The following PDSS2 variants were observed in gnomAD, a reference collection of about 807,000 sequenced individuals.
The protein encoded by PDSS2 is all trans-polyprenyl-diphosphate synthase PDSS2.
In PDSS2, 31 loss-of-function variants were observed where a neutral mutation model predicts 44.5. The ratio of observed to expected loss-of-function variants is 0.70; its 90% CI spans 0.52 to 0.94. The LOEUF (loss-of-function observed/expected upper bound fraction) is 0.94. PDSS2 is among the 40% of genes least tolerant of loss of function. PDSS2 has a pLI of 0.00. For synonymous variants in PDSS2, 157 were observed against 180.3 expected (o/e 0.87, Z 1.03); for missense variants, 452 against 482.2 (o/e 0.94, Z 0.59).
intron 1 of PDSS2, among the ~76,000 whole-genome samples, chr6:107,399,112 T>C (rs530123298): frequency 1.3e-5 from 2 of 152,298 alleles, no homozygotes; most frequent in South Asian, 4.1e-4. Flanking sequence ...AGTAACTCAT[T>C]TAATTCTCAA....
chr6:107,233,773 A>G (rs1428828858), intron 4 of PDSS2, among the ~76,000 whole-genome samples: 1 of 152,158 alleles, frequency 6.6e-6, no homozygotes, highest in Non-Finnish European at 1.5e-5. Flanking sequence ...TGATTGCATC[A>G]CTGCACTCTA....
chr6:107,170,606 A>ACCCCC (rs201361243), intron 7 of PDSS2, among the ~76,000 whole-genome samples: 1 of 96,592 alleles, frequency 1.0e-5, no homozygotes, highest in African/African-American at 4.0e-5. Context: ...TCTTGGAACC[A>ACCCCC]CCCCCCCCCC....
At chr6:107,181,603 T>G (rs1029650060) in intron 7 of PDSS2, among the ~76,000 whole-genome samples, 4 of 149,798 alleles carry the variant, frequency 2.7e-5, no homozygotes, top group African/African-American at 9.8e-5. Context: ...AAGAAAATTA[T>G]GGATGGTCGG....
chr6:107,306,132 C>T (rs1239065997), intron 2 of PDSS2, among the ~76,000 whole-genome samples: 1 of 152,092 alleles, frequency 6.6e-6, no homozygotes, highest in Non-Finnish European at 1.5e-5. Flanking sequence ...TCCTGATGCC[C>T]GCCCACAGAA....
intron 2 of PDSS2, among the ~76,000 whole-genome samples, chr6:107,302,708 G>A (rs1776735823): frequency 6.6e-6 from 1 of 151,938 alleles, no homozygotes. Context: ...TAAGTCATAT[G>A]AGAGTATGCT....
At chr6:107,216,136 AAAAAAACCCAAAATACAAC>A (rs904310073) in intron 4 of PDSS2, among the ~76,000 whole-genome samples, 3 of 150,782 alleles carry the variant, frequency 2.0e-5, no homozygotes, top group African/African-American at 7.3e-5. Flanking sequence ...GACCCTGTCC[AAAAAAACCCAAAATACAAC>A]AAAAAACCCA....
At chr6:107,381,472 C>T (rs181484434) in intron 1 of PDSS2, among the ~76,000 whole-genome samples, 1 of 152,214 alleles carries the variant, frequency 6.6e-6, no homozygotes, top group Admixed American at 6.5e-5. Flanking sequence ...TCTTAAGATG[C>T]TGCTTATGTT....
At chr6:107,155,521 T>TTGACACAATAGTCCATATGA (rs1430972879) in intron 7 of PDSS2, among the ~76,000 whole-genome samples, 4 of 152,116 alleles carry the variant, frequency 2.6e-5, no homozygotes, top group Non-Finnish European at 5.9e-5. Context: ...ACACCATATG[T>TTGACACAATAGTCCATATGA]TGACACAATA....
chr6:107,163,475 T>A (rs782647789), intron 7 of PDSS2, among the ~76,000 whole-genome samples: 18 of 152,330 alleles, frequency 1.2e-4, no homozygotes, highest in Non-Finnish European at 2.2e-4. Flanking sequence ...TAAACACTCC[T>A]GCTAGCTAAA....
intron 1 of PDSS2, among the ~76,000 whole-genome samples, chr6:107,443,951 C>T (rs1781587052): frequency 6.6e-6 from 1 of 152,292 alleles, no homozygotes. Context: ...TGGGTACTTG[C>T]TATGCGCCAG....
intron 3 of PDSS2, among the ~76,000 whole-genome samples, chr6:107,257,672 T>A (rs1582856598): frequency 6.6e-6 from 1 of 151,854 alleles, no homozygotes; most frequent in Non-Finnish European, 1.5e-5. Flanking sequence ...CAGGCTGGAG[T>A]GCAGTGGTGC....
rs145218655 is a variant in PDSS2 at position 107,344,018 on chromosome 6, G to A, written c.297-9686C>T. Among the ~76,000 whole-genome samples the A allele has an allele frequency of 2.4e-3, 365 of 152,154 alleles. 1 individual carries two copies. Among genetic ancestry groups the A allele is most frequent in the Middle Eastern group, 0.01 (3 of 294 alleles). ...ACAACAGAATTCTAAGAAGACAAAT[G>A]ACTTAGTATATTATAGTTGTGTTTC... On this transcript the variant is annotated intron_variant, in intron 1 of 7. Coordinates refer to ENST00000369037, the MANE Select transcript of PDSS2 (RefSeq NM_020381.4).
chr6:107,440,277 A>G (rs1562541660), intron 1 of PDSS2, among the ~76,000 whole-genome samples: 1 of 152,206 alleles, frequency 6.6e-6, no homozygotes, highest in East Asian at 1.9e-4. Flanking sequence ...CCATCTGTGG[A>G]CTTACCTGTG....
chr6:107,212,899 G>C (rs1280543702), intron 4 of PDSS2, among the ~76,000 whole-genome samples: 1 of 151,696 alleles, frequency 6.6e-6, no homozygotes, highest in Non-Finnish European at 1.5e-5. Context: ...GACTACTCAG[G>C]AGGCTGAGGC....
intron 7 of PDSS2, among the ~76,000 whole-genome samples, chr6:107,180,404 G>A (rs1368364729): frequency 4.6e-5 from 7 of 152,166 alleles, no homozygotes; most frequent in Non-Finnish European, 1.0e-4. Flanking sequence ...CATTGAGGAT[G>A]TAATCATTTG....
chr6:107,263,741 A>G (rs751449233), intron 3 of PDSS2, among the ~76,000 whole-genome samples: 6 of 152,254 alleles, frequency 3.9e-5, no homozygotes, highest in Non-Finnish European at 7.3e-5. Context: ...AAGCATGACC[A>G]GAAAATGGAT....
chr6:107,371,340 G>A (rs931198368), intron 1 of PDSS2, among the ~76,000 whole-genome samples: 2 of 152,148 alleles, frequency 1.3e-5, no homozygotes, highest in Non-Finnish European at 1.5e-5. Context: ...TGGGGTACTC[G>A]AAATTCAGGT....
intron 1 of PDSS2, among the ~76,000 whole-genome samples, chr6:107,425,176 C>T (rs1297679902): frequency 1.3e-5 from 2 of 152,150 alleles, no homozygotes; most frequent in Non-Finnish European, 2.9e-5. Context: ...TCTTCCCAGT[C>T]TTGGGTATGT....
At chr6:107,408,161 G>A (rs927136747) in intron 1 of PDSS2, among the ~76,000 whole-genome samples, 1 of 152,014 alleles carries the variant, frequency 6.6e-6, no homozygotes, top group Admixed American at 6.6e-5. Flanking sequence ...TCAAGTAGCT[G>A]GGATTACAAA....
Sources: allele counts gnomAD v4.1 joint callset (sites outside exome capture counted in the v4.1 genomes callset), GRCh38; gene constraint gnomAD v4.1.1; transcripts MANE v1.5; gene names NCBI Gene and HGNC (gene_info 2026-07-23, HGNC 2026-07-21).